GRIK1: variants seen among roughly 807,000 people sequenced by gnomAD.
GRIK1 encodes glutamate receptor ionotropic, kainate 1.
GRIK1 carries 69 observed loss-of-function variants against 105.7 expected under a neutral mutation model. The observed-to-expected ratio is 0.65, with a 90% confidence interval of 0.54 to 0.80. The LOEUF (loss-of-function observed/expected upper bound fraction) is 0.80, where lower values mean the gene tolerates loss of function less well. Among genes scored for constraint, GRIK1 ranks in the 30% least tolerant of loss-of-function variants. The pLI is 0.00. For missense variants in GRIK1, 1,109 were observed against 1,167.3 expected (o/e 0.95, Z 0.73); for synonymous variants, 438 against 431.3 (o/e 1.02, Z -0.19).
In GRIK1 at chr21:29,720,429, A is replaced by G. The variant is rs145420534; in HGVS notation, c.119-26366T>C. 3.5e-4 allele frequency among the ~76,000 whole-genome samples: 53 copies of G among 152,196 alleles called. No homozygotes were observed. In the East Asian group the frequency reaches 8.9e-3, roughly 25 times the overall value. On this transcript the variant is annotated intron_variant, in intron 1 of 17. Coordinates refer to ENST00000327783, the MANE Select transcript of GRIK1 (RefSeq NM_001330994.2). ...CCTTGGGGTATAGCCCCTCTCTACC[A>G]GGCACTAGATTTAGCTTGTTCGTTT... is the stretch of plus-strand genomic sequence containing the variant.
intron 1 of GRIK1, among the ~76,000 whole-genome samples, chr21:29,783,629 T>C (rs2066183368): frequency 6.6e-6 from 1 of 152,122 alleles, no homozygotes; most frequent in African/African-American, 2.4e-5. Context: ...TAACATAGGG[T>C]TCTGGCTTAT....
chr21:29,558,966 C>T (rs746996679), intron 15 of GRIK1, among the ~76,000 whole-genome samples: 2 of 152,160 alleles, frequency 1.3e-5, no homozygotes, highest in Middle Eastern at 3.4e-3. Flanking sequence ...AAAGTTCAAA[C>T]GTTCTTAGGA....
At chr21:29,861,146 C>G (rs1002092828) in intron 1 of GRIK1, among the ~76,000 whole-genome samples, 1 of 152,068 alleles carries the variant, frequency 6.6e-6, no homozygotes, top group Non-Finnish European at 1.5e-5. Flanking sequence ...TCCAATCTCC[C>G]GGTTGTCTAT....
At chr21:29,559,579 G>A (rs897018875) in intron 15 of GRIK1, among the ~76,000 whole-genome samples, 9 of 152,166 alleles carry the variant, frequency 5.9e-5, no homozygotes, top group African/African-American at 1.9e-4. Flanking sequence ...GGACATAAAT[G>A]ATAACAATAA....
intron 1 of GRIK1, among the ~76,000 whole-genome samples, chr21:29,876,936 A>T (rs1434805672): frequency 2.0e-5 from 3 of 152,184 alleles, no homozygotes; most frequent in African/African-American, 7.2e-5. Flanking sequence ...GCAAATTAGC[A>T]AGCATTAGCT....
At chr21:29,829,382 C>A (rs1388426185) in intron 1 of GRIK1, among the ~76,000 whole-genome samples, 2 of 152,112 alleles carry the variant, frequency 1.3e-5, no homozygotes, top group Admixed American at 1.3e-4. Flanking sequence ...GAATCATAGT[C>A]AGGTGTAATA....
intron 1 of GRIK1, among the ~76,000 whole-genome samples, chr21:29,757,882 G>A (rs2065391954): frequency 6.6e-6 from 1 of 152,096 alleles, no homozygotes; most frequent in African/African-American, 2.4e-5. Context: ...TCCCTAATTG[G>A]CAAAATTACT....
chr21:29,808,286 T>G (rs1271450340), intron 1 of GRIK1, among the ~76,000 whole-genome samples: 2 of 152,096 alleles, frequency 1.3e-5, no homozygotes, highest in African/African-American at 4.8e-5. Flanking sequence ...CAGGACTCAT[T>G]GGTGAGTTCC....
intron 1 of GRIK1, among the ~76,000 whole-genome samples, chr21:29,759,644 G>C (rs1171837696): frequency 1.3e-5 from 2 of 152,198 alleles, no homozygotes; most frequent in African/African-American, 2.4e-5. Context: ...GAGAACAGAA[G>C]TCAGAAACCA....
At position 29,741,503 on chromosome 21, in the gene GRIK1, T is replaced by A. The variant is rs532432411; in HGVS notation, c.119-47440A>T. Among the ~76,000 whole-genome samples, 220 of 152,324 alleles carry A rather than the reference T, an allele frequency of 1.4e-3. 2 individuals are homozygous for A. The highest frequency in any genetic ancestry group is 7.7e-3 in the South Asian group (37 of 4,826). On this transcript the variant is annotated intron_variant, in intron 1 of 17. Transcript: ENST00000327783. ...TCTTATCAGCCAAGAAGCAAATTTT[T>A]AAAAATTGCAATAAAGAAAACAGAC...
chr21:29,897,226 G>A (rs758425885), intron 1 of GRIK1, among the ~76,000 whole-genome samples: 1 of 152,140 alleles, frequency 6.6e-6, no homozygotes, highest in Non-Finnish European at 1.5e-5. Context: ...TCAAAACCAA[G>A]CTTAGCTAGT....
rs1002668705 is a variant in GRIK1, at chr21:29,773,337, T to C, written c.119-79274A>G. 2.0e-5 allele frequency among the ~76,000 whole-genome samples: 3 copies of C among 152,180 alleles called. No homozygotes were observed. In the East Asian group the frequency reaches 5.8e-4, roughly 29 times the overall value. On this transcript the variant is annotated intron_variant, in intron 1 of 17. Transcript: ENST00000327783. Reference sequence around the variant, plus strand: ...CCATGGCAGTATATTCTGAAAATAGTATTTCAAAATAAGCACTGACAAATG... The same window carrying C: ...CCATGGCAGTATATTCTGAAAATAGCATTTCAAAATAAGCACTGACAAATG...
intron 3 of GRIK1, among the ~76,000 whole-genome samples, chr21:29,681,403 C>T (rs773099796): frequency 2.0e-5 from 3 of 152,192 alleles, no homozygotes; most frequent in Non-Finnish European, 4.4e-5. Flanking sequence ...CTCCCCTCCC[C>T]TCTTACTCTG....
Position 29,939,966 on chromosome 21 carries a change from A to G in GRIK1, c.-466T>C, listed in dbSNP as rs2071921030. 1 of 153,224 alleles carries G rather than the reference A, an allele frequency of 6.5e-6. No homozygotes were observed. Among genetic ancestry groups the G allele is most frequent in the Non-Finnish European group, 1.5e-5 (1 of 68,786 alleles). 9.5% of individuals were successfully genotyped at this position (153,224 alleles called of 1,614,324 possible). A position where few individuals can be genotyped will look rare whatever the true frequency, so the allele number is the denominator to read the frequency against. On this transcript the variant is annotated 5_prime_UTR_variant, in exon 1 of 18. Transcript: ENST00000327783. ...AGGGTGAGTTGGTGCAGGGGCTCTG[A>G]GCAAGCCTGATGAGCTCCAGCAGGT... is the stretch of plus-strand genomic sequence containing the variant.
chr21:29,572,697 T>C lies in GRIK1; in HGVS notation c.2130+4267A>G, dbSNP rs557197762. On this transcript the variant is annotated intron_variant, in intron 14 of 17. Transcript: ENST00000327783. Reference sequence around the variant, plus strand: ...CTAGCTTTGTAACTTTGGGGTAAATTATCTAGCCTGTCTGTGCCTCATTTT... The same window carrying C: ...CTAGCTTTGTAACTTTGGGGTAAATCATCTAGCCTGTCTGTGCCTCATTTT... 2.0e-5 allele frequency among the ~76,000 whole-genome samples: 3 copies of C among 152,286 alleles called. No homozygotes were observed. In the East Asian group the frequency reaches 5.8e-4, roughly 29 times the overall value.
chr21:29,715,679 C>T (rs560784771), intron 1 of GRIK1, among the ~76,000 whole-genome samples: 1 of 148,270 alleles, frequency 6.7e-6, no homozygotes, highest in East Asian at 2.0e-4. Context: ...GTATGTTGGA[C>T]CATCTAGAAT....
intron 1 of GRIK1, among the ~76,000 whole-genome samples, chr21:29,906,896 T>C (rs1343518270): frequency 1.3e-5 from 2 of 152,082 alleles, no homozygotes; most frequent in Non-Finnish European, 2.9e-5. Flanking sequence ...TTGCAACATA[T>C]TCAATACTAT....
chr21:29,925,751 T>C (rs2071348568), intron 1 of GRIK1, among the ~76,000 whole-genome samples: 2 of 152,312 alleles, frequency 1.3e-5, no homozygotes, highest in South Asian at 4.1e-4. Flanking sequence ...GCATCTGATA[T>C]AGGAGTGAGA....
At chr21:29,768,554 A>G (rs559602512) in intron 1 of GRIK1, among the ~76,000 whole-genome samples, 1 of 152,314 alleles carries the variant, frequency 6.6e-6, no homozygotes, top group East Asian at 1.9e-4. Context: ...AAGAGGAAGC[A>G]TGATGTATCC....
Sources: allele counts gnomAD v4.1 joint callset (sites outside exome capture counted in the v4.1 genomes callset), GRCh38; gene constraint gnomAD v4.1.1; transcripts MANE v1.5; gene names NCBI Gene and HGNC (gene_info 2026-07-23, HGNC 2026-07-21).